Variants in SGK1 observed in about 807,000 individuals in gnomAD.
SGK1 encodes serum/glucocorticoid regulated kinase 1.
In SGK1, 26 loss-of-function variants were observed where a neutral mutation model predicts 64.2. That is an observed-to-expected ratio of 0.40 (90% CI 0.30 to 0.56). The LOEUF is 0.56. SGK1 is among the 20% of genes least tolerant of loss of function. The pLI is 0.38. For synonymous variants in SGK1, 265 were observed against 239.7 expected, an observed-to-expected ratio of 1.11 and a Z score of -0.98; for missense variants, 519 against 645.6, an observed-to-expected ratio of 0.80 and a Z score of 2.12.
Position 134,270,288 on chromosome 6 carries a change from T to C in SGK1, c.70-8140A>G, listed in dbSNP as rs1193057725. On this transcript the variant is annotated intron_variant, in intron 1 of 13. Coordinates refer to ENST00000367858, the MANE Select transcript of SGK1 (RefSeq NM_001143676.3). ...TTGCTTGTATAAAACAACAGGACTT[T>C]TATGCTAACTGGTCTTGATATTAAG... Among the ~76,000 whole-genome samples the C allele has an allele frequency of 8.8e-5, 13 of 147,622 alleles. 1 individual carries two copies. Among genetic ancestry groups the C allele is most frequent in the Non-Finnish European group, 1.6e-4 (11 of 66,738 alleles).
chr6:134,268,599 T>A (rs1436692139), intron 1 of SGK1, among the ~76,000 whole-genome samples: 1 of 145,146 alleles, frequency 6.9e-6, no homozygotes, highest in Non-Finnish European at 1.5e-5. Context: ...GGAGGGTGCC[T>A]GTAGTCCCAG....
At chr6:134,170,714 T>A in intron 13 of SGK1, 112 bp downstream of exon 13, 2 of 798,482 alleles carry the variant, frequency 2.5e-6, no homozygotes, top group East Asian at 4.9e-5. Flanking sequence ...ATAACAGGTT[T>A]ATGGAGAAAA....
chr6:134,174,967 C>T (rs933896458), intron 3 of SGK1: 13 of 1,357,682 alleles, frequency 9.6e-6, no homozygotes, highest in Middle Eastern at 5.4e-4. Context: ...CCCCTCGCCC[C>T]GCCCCGGCCG....
intron 3 of SGK1, among the ~76,000 whole-genome samples, chr6:134,189,423 TCATA>T (rs146381009): frequency 2.7e-3 from 414 of 152,234 alleles, no homozygotes; most frequent in Non-Finnish European, 4.9e-3. Flanking sequence ...AAGATGGGGA[TCATA>T]CATAATGTCT....
intron 2 of SGK1, among the ~76,000 whole-genome samples, chr6:134,247,833 C>T (rs1048412677): frequency 1.3e-5 from 2 of 152,154 alleles, no homozygotes; most frequent in South Asian, 2.1e-4. Flanking sequence ...ACAGTCTATG[C>T]CATTTTTGCT....
intron 1 of SGK1, among the ~76,000 whole-genome samples, chr6:134,289,258 G>C (rs1169016635): frequency 2.0e-5 from 3 of 152,196 alleles, no homozygotes; most frequent in Non-Finnish European, 4.4e-5. Flanking sequence ...AAAGGAGGTA[G>C]TGTACTAAAA....
chr6:134,238,977 G>A (rs1265547374), intron 2 of SGK1, among the ~76,000 whole-genome samples: 1 of 152,156 alleles, frequency 6.6e-6, no homozygotes, highest in Non-Finnish European at 1.5e-5. Flanking sequence ...ACTTCATAAT[G>A]CCTATTTTGT....
chr6:134,240,907 G>A (rs183502529), intron 2 of SGK1, among the ~76,000 whole-genome samples: 6 of 152,258 alleles, frequency 3.9e-5, no homozygotes, highest in East Asian at 1.9e-4. Flanking sequence ...AGTGCCCGCC[G>A]AACTCTTGGC....
intron 2 of SGK1, among the ~76,000 whole-genome samples, chr6:134,258,003 C>T (rs1371319279): frequency 6.6e-6 from 1 of 152,192 alleles, no homozygotes; most frequent in African/African-American, 2.4e-5. Context: ...AGCCTCTCCA[C>T]CTTCTCACCT....
intron 4 of SGK1, 50 bp from the exon 5 acceptor site, chr6:134,174,130 C>T (rs776845533): frequency 3.0e-6 from 4 of 1,343,730 alleles, no homozygotes; most frequent in Admixed American, 2.0e-5. Flanking sequence ...CACTAGGGGG[C>T]ACACCAACAT....
Position 134,266,649 on chromosome 6 carries a change from C to CTTAAAG in SGK1, c.70-4502_70-4501insCTTTAA, listed in dbSNP as rs1458554270. On this transcript the variant is annotated intron_variant, in intron 1 of 13. Coordinates refer to ENST00000367858, the MANE Select transcript of SGK1 (RefSeq NM_001143676.3). Reference sequence around the variant, plus strand: ...TAAAATATCTTTTTGAGTTTACTATCCTAAAGTTAAAATTTTGGGTTTCCT... The same window carrying CTTAAAG: ...TAAAATATCTTTTTGAGTTTACTATCTTAAAGCTAAAGTTAAAATTTTGGGTTTCCT... Among the ~76,000 whole-genome samples, 8 of 152,156 alleles carry CTTAAAG rather than the reference C, an allele frequency of 5.3e-5. No individual in the cohort carries two copies. The East Asian group carries it at 1.5e-3, about 29-fold the overall frequency.
chr6:134,228,874 C>T (rs765831994), intron 2 of SGK1, among the ~76,000 whole-genome samples: 8 of 137,736 alleles, frequency 5.8e-5, no homozygotes, highest in Admixed American at 7.8e-5. Context: ...GACGGAGTCT[C>T]GCTCTTTCAC....
At chr6:134,199,558 CAAAA>C (rs369760659) in intron 3 of SGK1, among the ~76,000 whole-genome samples, 2 of 81,376 alleles carry the variant, frequency 2.5e-5, no homozygotes, top group African/African-American at 5.0e-5. Flanking sequence ...GACTCTCTCT[CAAAA>C]AAAAAAAAAA....
chr6:134,309,319 A>G (rs1777578192), intron 1 of SGK1, among the ~76,000 whole-genome samples: 1 of 152,216 alleles, frequency 6.6e-6, no homozygotes, highest in African/African-American at 2.4e-5. Flanking sequence ...GGAGGAGGCC[A>G]ACGCAGCACC....
intron 2 of SGK1, among the ~76,000 whole-genome samples, chr6:134,255,166 G>A (rs1487069746): frequency 6.6e-6 from 1 of 152,112 alleles, no homozygotes. Context: ...ACCGTGCCCG[G>A]CTACAAATCT....
chr6:134,214,905 C>G (rs888602284), intron 2 of SGK1: 1 of 327,784 alleles, frequency 3.1e-6, no homozygotes, highest in Non-Finnish European at 6.1e-6. Flanking sequence ...GTCTGATAGA[C>G]TTGAAAGTAT....
At chr6:134,229,762 G>A (rs552671264) in intron 2 of SGK1, among the ~76,000 whole-genome samples, 9 of 152,254 alleles carry the variant, frequency 5.9e-5, no homozygotes, top group African/African-American at 1.7e-4. Flanking sequence ...GTGTGCCCAG[G>A]TGCTCACATG....
intron 3 of SGK1, among the ~76,000 whole-genome samples, chr6:134,183,121 A>G (rs1775357010): frequency 6.6e-6 from 1 of 152,206 alleles, no homozygotes; most frequent in Non-Finnish European, 1.5e-5. Flanking sequence ...AGCCTCTGTT[A>G]GTTTTAATCA....
intron 3 of SGK1, among the ~76,000 whole-genome samples, chr6:134,204,923 TCTTC>T (rs200176222): frequency 0.019 from 2,945 of 152,122 alleles, 84 homozygotes; most frequent in African/African-American, 0.064. Flanking sequence ...TTCTTTTCTT[TCTTC>T]CTTCCTTCCT....
Sources: allele counts gnomAD v4.1 joint callset (sites outside exome capture counted in the v4.1 genomes callset), GRCh38; gene constraint gnomAD v4.1.1; transcripts MANE v1.5; gene names NCBI Gene and HGNC (gene_info 2026-07-23, HGNC 2026-07-21).